The following PBX1 variants were observed in gnomAD, a reference collection of about 807,000 sequenced individuals.
PBX1 encodes PBX homeobox 1, also known as pre-B-cell leukemia transcription factor 1.
A neutral mutation model predicts 53.4 loss-of-function variants in PBX1; 6 were observed. The observed-to-expected ratio is 0.11, with a 90% CI of 0.06 to 0.22. The LOEUF (loss-of-function observed/expected upper bound fraction) is 0.22. Ranked by LOEUF, PBX1 falls within the 10% of genes least tolerant of loss-of-function variation. PBX1 has a pLI of 1.00. For synonymous variants in PBX1, 204 were observed against 212.3 expected (o/e 0.96, Z 0.34); for missense variants, 251 against 551.4 (o/e 0.46, Z 5.46).
At chr1:164,830,767 G>A (rs989895850) in intron 8 of PBX1, among the ~76,000 whole-genome samples, 1 of 152,122 alleles carries the variant, frequency 6.6e-6, no homozygotes, top group African/African-American at 2.4e-5. Context: ...CTGCCTCGCC[G>A]TTTCTTCCTC....
chr1:164,707,481 G>A (rs1557956259), intron 2 of PBX1, among the ~76,000 whole-genome samples: 1 of 149,420 alleles, frequency 6.7e-6, no homozygotes, highest in Non-Finnish European at 1.5e-5. Context: ...CTGTAATCCT[G>A]TCTCATACAA....
intron 2 of PBX1, chr1:164,682,199 C>T (rs918167622): frequency 6.6e-6 from 1 of 152,150 alleles, no homozygotes; most frequent in Non-Finnish European, 1.5e-5. Flanking sequence ...ATATAATAAT[C>T]CTACTTTTCT....
At chr1:164,596,536 T>C (rs1557881233) in intron 2 of PBX1, among the ~76,000 whole-genome samples, 1 of 152,256 alleles carries the variant, frequency 6.6e-6, no homozygotes, top group East Asian at 1.9e-4. Context: ...CATTTTTATG[T>C]CATATTTTTA....
At chr1:164,749,540 G>T (rs184028695) in intron 2 of PBX1, among the ~76,000 whole-genome samples, 1 of 152,086 alleles carries the variant, frequency 6.6e-6, no homozygotes, top group African/African-American at 2.4e-5. Context: ...CCATATTCAG[G>T]TATTTGATTT....
chr1:164,787,223 G>A (rs771743775), intron 2 of PBX1, among the ~76,000 whole-genome samples: 21 of 152,080 alleles, frequency 1.4e-4, no homozygotes, highest in Admixed American at 1.3e-3. Flanking sequence ...TGCACACACC[G>A]TTGGGAGGCT....
At chr1:164,702,975 G>T (rs1013707720) in intron 2 of PBX1, 1 of 151,532 alleles carries the variant, frequency 6.6e-6, no homozygotes, top group African/African-American at 2.4e-5. Flanking sequence ...ATATATCTTT[G>T]GATTTTTGAA....
chr1:164,885,672 T>C lies in PBX1; in HGVS notation n.258-13516T>C, dbSNP rs1475169512. 2.0e-5 allele frequency among the ~76,000 whole-genome samples: 3 copies of C among 152,212 alleles called. 1 individual carries two copies. The highest frequency in any genetic ancestry group is 7.2e-5 in the African/African-American group (3 of 41,464). ...ATTTTCCCATCTGTAAAAATGGAGATGATAATACCTACCTCAGGGTCTTTG... is the reference window on the plus strand; with the variant it reads ...ATTTTCCCATCTGTAAAAATGGAGACGATAATACCTACCTCAGGGTCTTTG... On this transcript the variant is annotated intron_variant and non_coding_transcript_variant, in intron 2 of 2. Coordinates refer to the PBX1 transcript ENST00000558796.
intron 4 of PBX1, among the ~76,000 whole-genome samples, chr1:164,802,845 GTTTA>G (rs1379938830): frequency 4.0e-5 from 6 of 151,834 alleles, no homozygotes; most frequent in Admixed American, 3.3e-4. Flanking sequence ...AACTTGGTAA[GTTTA>G]TTATCAGGAC....
intron 2 of PBX1, among the ~76,000 whole-genome samples, chr1:164,625,338 T>G (rs903771506): frequency 6.6e-6 from 1 of 152,240 alleles, no homozygotes; most frequent in Non-Finnish European, 1.5e-5. Flanking sequence ...TGAAGTAGTA[T>G]AGCTTATCGG....
chr1:164,569,617 G>A (rs1653698012), intron 2 of PBX1, among the ~76,000 whole-genome samples: 1 of 125,764 alleles, frequency 8.0e-6, no homozygotes, highest in African/African-American at 3.2e-5. Flanking sequence ...TATCTCCCAG[G>A]TTGGAGTGCA....
At chr1:164,776,132 G>A (rs57346682) in intron 2 of PBX1, among the ~76,000 whole-genome samples, 12,445 of 152,176 alleles carry the variant, frequency 0.082, 1,041 homozygotes, top group African/African-American at 0.21. Context: ...CTTTGATTTA[G>A]TGTATGAATA....
intron 2 of PBX1, among the ~76,000 whole-genome samples, chr1:164,620,379 T>G (rs894464434): frequency 6.6e-6 from 1 of 152,220 alleles, no homozygotes; most frequent in African/African-American, 2.4e-5. Flanking sequence ...AATTTTTATA[T>G]GCATTGAAAC....
At chr1:164,596,918 A>C (rs1033502423) in intron 2 of PBX1, among the ~76,000 whole-genome samples, 4 of 151,818 alleles carry the variant, frequency 2.6e-5, no homozygotes, top group South Asian at 2.1e-4. Flanking sequence ...GGGTCAGAGA[A>C]ATTTAGTTCC....
chr1:164,799,144 A>C (rs576712702), intron 3 of PBX1, among the ~76,000 whole-genome samples: 1 of 151,904 alleles, frequency 6.6e-6, no homozygotes, highest in Non-Finnish European at 1.5e-5. Flanking sequence ...AAATCATGGG[A>C]AAAAAAAGAT....
intron 2 of PBX1, among the ~76,000 whole-genome samples, chr1:164,673,837 G>T (rs1661265073): frequency 6.6e-6 from 1 of 152,148 alleles, no homozygotes; most frequent in East Asian, 1.9e-4. Context: ...CAGAGCGACA[G>T]ACTTGTGGTT....
Position 164,625,632 on chromosome 1 carries a change from C to CT in PBX1, c.265+62324dup, listed in dbSNP as rs537073026. On this transcript the variant is annotated intron_variant, in intron 2 of 8. Transcript: ENST00000420696. ...GAAAAAGCACATTCATTATCAGTGT[C>CT]TTTCTCACTGAGTCGTTTGAAATTG... 9.2e-5 allele frequency among the ~76,000 whole-genome samples: 14 copies of CT among 152,246 alleles called. No individual in the cohort carries two copies. The South Asian group carries it at 2.9e-3, about 32-fold the overall frequency.
chr1:164,579,351 T>G (rs1654462554), intron 2 of PBX1, among the ~76,000 whole-genome samples: 1 of 152,200 alleles, frequency 6.6e-6, no homozygotes, highest in Admixed American at 6.5e-5. Flanking sequence ...TACCCTCCCC[T>G]TCTCTCCCTC....
chr1:164,879,226 A>ATT (rs10630706), intron 2 of PBX1, among the ~76,000 whole-genome samples: 54,378 of 152,068 alleles, frequency 0.36, 11,910 homozygotes, highest in East Asian at 0.56. Context: ...AGGTGAACAA[A>ATT]CATTTATTTG....
At chr1:164,818,324 C>A (rs1669973553) in intron 6 of PBX1, 1 of 152,160 alleles carries the variant, frequency 6.6e-6, no homozygotes, top group African/African-American at 2.4e-5. Flanking sequence ...GTCCCACTGA[C>A]TGGGTATAAG....
Sources: gnomAD v4.1 joint callset for allele counts (sites outside exome capture counted in the v4.1 genomes callset) on GRCh38, gnomAD v4.1.1 for gene constraint, MANE v1.5 for transcripts, NCBI Gene and HGNC (gene_info 2026-07-23, HGNC 2026-07-21) for gene names.